ADAMTS16: variants seen among roughly 807,000 people sequenced by gnomAD.
The protein encoded by ADAMTS16 is A disintegrin and metalloproteinase with thrombospondin motifs 16.
A neutral mutation model predicts 145.8 loss-of-function variants in ADAMTS16; 94 were observed. The ratio of observed to expected loss-of-function variants is 0.64; its 90% CI spans 0.55 to 0.77. ADAMTS16 has a LOEUF of 0.77. Among genes scored for constraint, ADAMTS16 ranks in the 30% least tolerant of loss-of-function variants. ADAMTS16 has a pLI of 0.00. For missense variants in ADAMTS16, 1,585 were observed against 1,591.5 expected (o/e 1.00, Z 0.07); for synonymous variants, 659 against 604.3 (o/e 1.09, Z -1.33).
chr5:5,301,970 G>T (rs538767141), intron 18 of ADAMTS16, among the ~76,000 whole-genome samples: 2 of 152,268 alleles, frequency 1.3e-5, no homozygotes, highest in South Asian at 4.1e-4. Flanking sequence ...CCTTGTGACT[G>T]GCCCACAGGG....
chr5:5,196,280 A>G (rs190836152), intron 8 of ADAMTS16, among the ~76,000 whole-genome samples: 1 of 148,928 alleles, frequency 6.7e-6, no homozygotes, highest in Admixed American at 6.7e-5. Context: ...CACTATTGGT[A>G]TCACTAGTAG....
chr5:5,171,731 C>CT (rs1282424087), intron 3 of ADAMTS16, among the ~76,000 whole-genome samples: 7 of 151,730 alleles, frequency 4.6e-5, no homozygotes, highest in East Asian at 1.9e-4. Context: ...TTGTCGTTTC[C>CT]TTTTTTTTGG....
intron 3 of ADAMTS16, among the ~76,000 whole-genome samples, chr5:5,168,615 ATATAT>A (rs1397372418): frequency 1.2e-4 from 13 of 106,696 alleles, no homozygotes; most frequent in Non-Finnish European, 1.5e-4. Context: ...TTATATTTTT[ATATAT>A]TATATTATAT....
At chr5:5,219,086 C>A (rs975927893) in intron 10 of ADAMTS16, among the ~76,000 whole-genome samples, 22 of 152,072 alleles carry the variant, frequency 1.4e-4, no homozygotes, top group African/African-American at 5.3e-4. Context: ...GTGGTACAGG[C>A]CTGAGTGTGG....
intron 10 of ADAMTS16, among the ~76,000 whole-genome samples, chr5:5,219,584 G>A (rs1288847481): frequency 6.6e-6 from 1 of 152,334 alleles, no homozygotes; most frequent in Non-Finnish European, 1.5e-5. Context: ...TACATCTACA[G>A]GATACCAAGG....
intron 3 of ADAMTS16, among the ~76,000 whole-genome samples, chr5:5,177,089 C>A (rs753076883): frequency 6.6e-6 from 1 of 152,196 alleles, no homozygotes; most frequent in Non-Finnish European, 1.5e-5. Flanking sequence ...CATGCACAAA[C>A]AACAGGTATT....
intron 22 of ADAMTS16, 73 bp downstream of exon 22, chr5:5,318,354 G>A: frequency 7.5e-7 from 1 of 1,324,566 alleles, no homozygotes; most frequent in African/African-American, 1.5e-5. Context: ...CAGTTCCTTG[G>A]GGGGCCTGGA....
chr5:5,309,309 C>T (rs770029780), intron 21 of ADAMTS16, among the ~76,000 whole-genome samples: 13 of 152,042 alleles, frequency 8.6e-5, no homozygotes, highest in Non-Finnish European at 1.8e-4. Context: ...GTAAGTGGTG[C>T]GCTTTTTGGA....
At chr5:5,216,968 G>A (rs1270388420) in intron 10 of ADAMTS16, among the ~76,000 whole-genome samples, 1 of 151,570 alleles carries the variant, frequency 6.6e-6, no homozygotes, top group Non-Finnish European at 1.5e-5. Context: ...AGTATTCCAT[G>A]GTGTATATGT....
Position 5,155,883 on chromosome 5 carries a change from C to T in ADAMTS16, c.501+9428C>T, listed in dbSNP as rs1734588752. ...AGTGAGGGAGCCAACAGAAAGTCCA[C>T]AGGGGTTAGACAGGAAGCCCACTGG... On this transcript the variant is annotated intron_variant, in intron 3 of 22. Transcript: ENST00000274181. 2.6e-5 allele frequency among the ~76,000 whole-genome samples: 4 copies of T among 151,960 alleles called. No individual in the cohort carries two copies. The South Asian group carries it at 8.3e-4, about 32-fold the overall frequency.
intron 9 of ADAMTS16, among the ~76,000 whole-genome samples, chr5:5,204,293 A>T (rs1054409338): frequency 6.6e-6 from 1 of 152,174 alleles, no homozygotes; most frequent in Non-Finnish European, 1.5e-5. Context: ...GATACTTTTG[A>T]CCTTCCTTAA....
intron 11 of ADAMTS16, among the ~76,000 whole-genome samples, chr5:5,227,554 C>T (rs1356091619): frequency 6.7e-6 from 1 of 148,388 alleles, no homozygotes; most frequent in East Asian, 2.0e-4. Context: ...TGTGTCTCTA[C>T]ATGCACTTAT....
At chr5:5,282,251 T>C (rs538819778) in intron 18 of ADAMTS16, among the ~76,000 whole-genome samples, 52 of 152,232 alleles carry the variant, frequency 3.4e-4, no homozygotes, top group South Asian at 8.3e-4. Context: ...AATAGATTCT[T>C]GTTTACATGA....
At chr5:5,259,675 C>G (rs554813607) in intron 17 of ADAMTS16, among the ~76,000 whole-genome samples, 3 of 152,226 alleles carry the variant, frequency 2.0e-5, no homozygotes, top group Non-Finnish European at 4.4e-5. Flanking sequence ...GAGTATTCAT[C>G]TCACTCAGTA....
chr5:5,292,698 C>A (rs1052510855), intron 18 of ADAMTS16, among the ~76,000 whole-genome samples: 2 of 152,018 alleles, frequency 1.3e-5, no homozygotes, highest in East Asian at 3.9e-4. Flanking sequence ...TCTTCACGGG[C>A]CCTGTCCTAA....
In ADAMTS16 at chr5:5,291,206, TA is replaced by T. The variant is rs201608114; in HGVS notation, c.2790-12060del. On this transcript the variant is annotated intron_variant, in intron 18 of 22. Transcript: ENST00000274181. ...GTCTGTGTCTCTGTGATTTTTTTTT[TA>T]ATTCGTATTTACCAGTCAGGTCTTT... Among the ~76,000 whole-genome samples the T allele has an allele frequency of 7.2e-3, 1,095 of 152,178 alleles. 18 individuals carry two copies. Among genetic ancestry groups the T allele is most frequent in the African/African-American group, 0.025 (1,023 of 41,472 alleles).
In ADAMTS16 at chr5:5,146,269, G is replaced by A. The variant is rs1288305752; in HGVS notation, c.315G>A (p.Arg105=). 6.2e-7 allele frequency: 1 copy of A among 1,614,190 alleles called. No homozygotes were observed. The highest frequency in any genetic ancestry group is 2.2e-5 in the East Asian group (1 of 44,870). ...TTCACCTTCGGCTGAAAGGCTCCAG[G>A]CACGACTTCCACATGGATCTGAGGA... ...ESLHLRLKGS[R]HDFHMDLRTS... Residue 105 remains arginine, a synonymous_variant, in exon 3 of 23, where the codon AGG becomes AGA. Transcript: ENST00000274181.
intron 9 of ADAMTS16, among the ~76,000 whole-genome samples, chr5:5,200,531 T>G (rs551529152): frequency 4.5e-4 from 69 of 152,340 alleles, no homozygotes; most frequent in Non-Finnish European, 7.9e-4. Context: ...TACCAAAATA[T>G]TTGTCACTAA....
intron 17 of ADAMTS16, among the ~76,000 whole-genome samples, chr5:5,245,753 C>T (rs1737423896): frequency 6.6e-6 from 1 of 152,166 alleles, no homozygotes; most frequent in South Asian, 2.1e-4. Flanking sequence ...TTATCTCTTA[C>T]AATGGGCCCA....
Sources: allele counts gnomAD v4.1 joint callset (sites outside exome capture counted in the v4.1 genomes callset), GRCh38; gene constraint gnomAD v4.1.1; transcripts MANE v1.5; gene names NCBI Gene and HGNC (gene_info 2026-07-23, HGNC 2026-07-21).